Variants in SCGB2A2 observed in about 807,000 individuals in gnomAD.
The protein encoded by SCGB2A2 is mammaglobin-A.
In SCGB2A2, 11 loss-of-function variants were observed where a neutral mutation model predicts 8.8. The observed-to-expected ratio is 1.25, with a 90% confidence interval of 0.79 to 2.07. The LOEUF (loss-of-function observed/expected upper bound fraction) is 2.07, where lower values mean the gene tolerates loss of function less well. SCGB2A2 is among the 30% of genes most tolerant of loss of function. The probability of loss-of-function intolerance (pLI) is 0.00; values close to 1 mark genes in which losing one functional copy is unlikely to be tolerated. For missense variants in SCGB2A2, 113 were observed against 109.9 expected, an observed-to-expected ratio of 1.03 and a Z score of -0.13; for synonymous variants, 42 against 40.9, an observed-to-expected ratio of 1.03 and a Z score of -0.10.
intron 2 of SCGB2A2, 165 bp downstream of exon 2, chr11:62,271,233 A>C (rs1186541765): frequency 6.6e-7 from 1 of 1,510,254 alleles, no homozygotes; most frequent in Admixed American, 2.1e-5. Flanking sequence ...CAAGAAAAAC[A>C]TCCAGTGTCC....
chr11:62,271,101 A>G, intron 2 of SCGB2A2, 33 bp downstream of exon 2: 1 of 1,613,644 alleles, frequency 6.2e-7, no homozygotes, highest in Non-Finnish European at 8.5e-7. Context: ...AGCTTTTTAA[A>G]TCCCCTGACC....
chr11:62,270,739 A>G, intron 1 of SCGB2A2, 142 bp from the exon 2 acceptor site: 3 of 669,004 alleles, frequency 4.5e-6, no homozygotes, highest in Non-Finnish European at 7.4e-6. Context: ...GTTTTCTCCC[A>G]GATTTGAGAA....
At chr11:62,272,104 A>G in intron 2 of SCGB2A2, 1 of 497,120 alleles carries the variant, frequency 2.0e-6, no homozygotes. Context: ...ATGAAAGTGA[A>G]CATCACCTCA....
At chr11:62,272,305 G>A (rs7114227) in intron 2 of SCGB2A2, among the ~76,000 whole-genome samples, 2,525 of 151,814 alleles carry the variant, frequency 0.017, 44 homozygotes, top group African/African-American at 0.04. Context: ...AGAAGAAGGG[G>A]GAGTCATATT....
intron 2 of SCGB2A2, 91 bp downstream of exon 2, chr11:62,271,159 A>G: frequency 1.9e-6 from 3 of 1,607,062 alleles, no homozygotes; most frequent in Non-Finnish European, 2.5e-6. Flanking sequence ...CAAAGCCACT[A>G]GTGAACAAGC....
intron 2 of SCGB2A2, chr11:62,271,352 T>C: frequency 7.0e-7 from 1 of 1,436,530 alleles, no homozygotes. Context: ...AGCTCTCTAA[T>C]TCATGCTCAC....
chr11:62,272,879 TA>T, intron 2 of SCGB2A2, 77 bp from the exon 3 acceptor site: 2 of 1,107,958 alleles, frequency 1.8e-6, no homozygotes, highest in Non-Finnish European at 2.7e-6. Context: ...TGGAAAAAGA[TA>T]AGCTTCTGTT....
intron 2 of SCGB2A2, 54 bp from the exon 3 acceptor site, chr11:62,272,902 TA>T (rs999425650): frequency 3.9e-5 from 52 of 1,334,208 alleles, no homozygotes; most frequent in Non-Finnish European, 8.5e-6. Context: ...TTCAAGATTT[TA>T]TTTTGTTAGA....
chr11:62,271,796 C>G, intron 2 of SCGB2A2: 1 of 984,008 alleles, frequency 1.0e-6, no homozygotes. Context: ...AGATTCTATA[C>G]ATCTCAAATA....
chr11:62,270,865 T>C lies in SCGB2A2; in HGVS notation c.56-16T>C. Reference sequence around the variant, plus strand: ...GCCTTCTGTACCAAGCTTGTTTCCTTGTGCATCCTTCCCAGGCTCTGGCTG... The same window carrying C: ...GCCTTCTGTACCAAGCTTGTTTCCTCGTGCATCCTTCCCAGGCTCTGGCTG... On this transcript the variant is annotated splice_polypyrimidine_tract_variant and intron_variant, in intron 1 of 2. Coordinates refer to ENST00000227918, the MANE Select transcript of SCGB2A2 (RefSeq NM_002411.4). The C allele has an allele frequency of 1.2e-6, 2 of 1,610,824 alleles. No individual in the cohort carries two copies. The highest frequency in any genetic ancestry group is 1.7e-6 in the Non-Finnish European group (2 of 1,177,534).
intron 2 of SCGB2A2, chr11:62,271,678 C>T (rs1945280311): frequency 1.0e-6 from 1 of 988,604 alleles, no homozygotes; most frequent in Admixed American, 6.0e-5. Context: ...AGACCCGCAC[C>T]TATAGACCAA....
intron 1 of SCGB2A2, 133 bp downstream of exon 1, chr11:62,270,404 C>A: frequency 1.2e-6 from 1 of 815,776 alleles, no homozygotes; most frequent in Non-Finnish European, 2.0e-6. Context: ...CAGATCTCAC[C>A]ATGTTGCCCA....
At chr11:62,272,001 A>G (rs955401931) in intron 2 of SCGB2A2, 1 of 605,268 alleles carries the variant, frequency 1.7e-6, no homozygotes, top group African/African-American at 2.1e-5. Context: ...TTTCTTTAGC[A>G]TTTATTCCCT....
At position 62,270,162 on chromosome 11, in the gene SCGB2A2, C is replaced by T. The variant is rs1945264955; in HGVS notation, c.-55C>T. 5.8e-6 allele frequency: 9 copies of T among 1,564,264 alleles called. No individual in the cohort carries two copies. The East Asian group carries it at 6.7e-5, about 12-fold the overall frequency. On this transcript the variant is annotated 5_prime_UTR_variant, in exon 1 of 3. Transcript: ENST00000227918. The stretch of plus-strand genomic sequence containing the variant: ...CAAGGCTGGGTGCTCACCTCCACAG[C>T]GGCTTCCTTGATCCTTGCCACCCGC...
rs758897220 is a variant in SCGB2A2 at position 62,273,025 on chromosome 11, T to G, written c.*30T>G. 1 of 1,579,882 alleles carries G rather than the reference T, an allele frequency of 6.3e-7. No individual in the cohort carries two copies. The highest frequency in any genetic ancestry group is 2.3e-5 in the East Asian group (1 of 44,224). On this transcript the variant is annotated 3_prime_UTR_variant, in exon 3 of 3. Coordinates refer to ENST00000227918, the MANE Select transcript of SCGB2A2 (RefSeq NM_002411.4). ...CTGCAAGACCTTTGGCTCACAGAAC[T>G]GCAGGGTATGGTGAGAAACCAACTA...
At chr11:62,270,686 G>A (rs1376790543) in intron 1 of SCGB2A2, among the ~76,000 whole-genome samples, 195 bp from the exon 2 acceptor site, 2 of 152,196 alleles carry the variant, frequency 1.3e-5, no homozygotes, top group East Asian at 1.9e-4. Flanking sequence ...GGGGAGTGGA[G>A]AGAAAGAAGT....
In SCGB2A2 at chr11:62,270,999, C is replaced by T. The variant is rs776348342; in HGVS notation, c.174C>T (p.Ala58=). The T allele has an allele frequency of 6.2e-7, 1 of 1,614,126 alleles. No individual in the cohort carries two copies. The highest frequency in any genetic ancestry group is 8.5e-7 in the Non-Finnish European group (1 of 1,179,976). ...TAGACGACAATGCCACTACAAATGCCATAGATGAATTGAAGGAATGTTTTC... is the reference window on the plus strand; with the variant it reads ...TAGACGACAATGCCACTACAAATGCTATAGATGAATTGAAGGAATGTTTTC... ...EFIDDNATTN[A]IDELKECFLN... is the part of the protein sequence containing the mutation. Residue 58 remains alanine, a synonymous_variant, in exon 2 of 3, where the codon GCC becomes GCT. Coordinates refer to ENST00000227918, the MANE Select transcript of SCGB2A2 (RefSeq NM_002411.4).
Position 62,272,950 on chromosome 11 carries a change from T to A in SCGB2A2, c.244-7T>A, listed in dbSNP as rs1590674351. ...ATCTAAGTGATGTCTCTGTTTTTGC[T>A]TTCTAGCAATTAATATATGACAGCA... On this transcript the variant is annotated splice_polypyrimidine_tract_variant and splice_region_variant and intron_variant, in intron 2 of 2. Coordinates refer to ENST00000227918, the MANE Select transcript of SCGB2A2 (RefSeq NM_002411.4). The A allele has an allele frequency of 6.3e-7, 1 of 1,598,992 alleles. No individual in the cohort carries two copies. Among genetic ancestry groups the A allele is most frequent in the East Asian group, 2.2e-5 (1 of 44,516 alleles).
chr11:62,270,316 A>C (rs1245721045), intron 1 of SCGB2A2, 45 bp downstream of exon 1: 3 of 1,576,158 alleles, frequency 1.9e-6, no homozygotes, highest in Admixed American at 3.3e-5. Flanking sequence ...AGGGGTTGTC[A>C]CTTGGGCCTC....
Sources: allele counts gnomAD v4.1 joint callset (sites outside exome capture counted in the v4.1 genomes callset), GRCh38; gene constraint gnomAD v4.1.1; transcripts MANE v1.5; gene names NCBI Gene and HGNC (gene_info 2026-07-23, HGNC 2026-07-21).